ITM2C: variants seen among roughly 807,000 people sequenced by gnomAD.
ITM2C encodes integral membrane protein 2C.
In ITM2C, 20 loss-of-function variants were observed where a neutral mutation model predicts 30.0. The observed-to-expected ratio is 0.67, with a 90% confidence interval of 0.47 to 0.97. ITM2C has a LOEUF of 0.97. ITM2C is among the 50% of genes least tolerant of loss of function. The pLI, the probability that ITM2C is intolerant of heterozygous loss-of-function variation, is 0.00. For synonymous variants in ITM2C, 167 were observed against 156.4 expected (o/e 1.07, Z -0.51); for missense variants, 366 against 371.9 (o/e 0.98, Z 0.13).
Position 230,865,219 on chromosome 2 carries a change from G to A in ITM2C, c.120+74G>A. ...GACCCAGGCGCGCCCCGTCGGCCCT[G>A]GGGACTGCCCGAGGCGCGTCAGGGC... On this transcript the variant is annotated intron_variant, in intron 1 of 5. Transcript: ENST00000326427. The surrounding 1 kb of genome is among the most constrained non-coding windows in gnomAD (Gnocchi z 6.8). 6 of 1,294,552 alleles carry A rather than the reference G, an allele frequency of 4.6e-6. No individual in the cohort carries two copies. The highest frequency in any genetic ancestry group is 5.9e-6 in the Non-Finnish European group (6 of 1,015,306). The allele number at this position is 1,294,552 out of a possible 1,614,324, so 80.2% of individuals were successfully genotyped here. A position where few individuals can be genotyped will look rare whatever the true frequency, so the allele number is the denominator to read the frequency against.
chr2:230,871,441 C>T (rs3098334), intron 1 of ITM2C, among the ~76,000 whole-genome samples: 66,625 of 152,154 alleles, frequency 0.44, 16,372 homozygotes, highest in East Asian at 0.84. Flanking sequence ...CATTGGAAAA[C>T]CAAAGCCATT....
In ITM2C at chr2:230,865,004, G is replaced by T; in HGVS notation, c.-22G>T. On this transcript the variant is annotated 5_prime_UTR_variant, in exon 1 of 6. Transcript: ENST00000326427. This position sits in a 1 kb window ranked among gnomAD's most constrained non-coding sequence, Gnocchi z 6.8. ...GCTGCACCGGCAGAGGCTGCGGGGC[G>T]GACGCGCGGGCCGGCGCAGCCATGG... 3 of 1,458,328 alleles carry T rather than the reference G, an allele frequency of 2.1e-6. No homozygotes were observed. In the South Asian group the frequency reaches 4.1e-5, roughly 20 times the overall value. The allele number at this position is 1,458,328 out of a possible 1,614,324, so 90.3% of individuals were successfully genotyped here.
rs1690014910 is a variant in ITM2C at position 230,878,847 on chromosome 2, G to A, written c.*748G>A. The A allele has an allele frequency of 6.5e-6, 1 of 153,150 alleles. No homozygotes were observed. The highest frequency in any genetic ancestry group is 2.4e-5 in the African/African-American group (1 of 41,470). 9.5% of individuals were successfully genotyped at this position (153,150 alleles called of 1,614,324 possible). On this transcript the variant is annotated 3_prime_UTR_variant, in exon 6 of 6. Coordinates refer to ENST00000326427, the MANE Select transcript of ITM2C (RefSeq NM_030926.6). This position sits in a 1 kb window ranked among gnomAD's most constrained non-coding sequence, Gnocchi z 4.5. ...CAGTGGGATGGGCGGCTGAGGAACG[G>A]GGCAGGCAAGGTCACTGCTCAGTCA...
intron 1 of ITM2C, among the ~76,000 whole-genome samples, chr2:230,869,168 C>A (rs1465332158): frequency 1.3e-5 from 2 of 152,222 alleles, no homozygotes; most frequent in Non-Finnish European, 2.9e-5. Context: ...GAGGGCTCTT[C>A]CAGCAGTGAG....
upstream of ITM2C, chr2:230,864,724 G>GTGAGT (rs1696977293): frequency 5.8e-6 from 1 of 172,356 alleles, no homozygotes; most frequent in Non-Finnish European, 1.2e-5. The surrounding 1 kb of genome is among the most constrained non-coding windows in gnomAD (Gnocchi z 4.3). Context: ...GAGTGAGTGA[G>GTGAGT]TGAGCGAGCG....
At chr2:230,876,369 GA>G (rs1181074217) in intron 3 of ITM2C, among the ~76,000 whole-genome samples, 1 of 152,224 alleles carries the variant, frequency 6.6e-6, no homozygotes, top group Non-Finnish European at 1.5e-5. Context: ...CAGGCTAAGA[GA>G]AGACCAGGAA....
In ITM2C at chr2:230,874,824, G is replaced by A. The variant is rs75832463; in HGVS notation, c.262-796G>A. Among the ~76,000 whole-genome samples the A allele has an allele frequency of 9.8e-3, 1,498 of 152,154 alleles. 27 individuals carry two copies. The highest frequency in any genetic ancestry group is 0.034 in the African/African-American group (1,419 of 41,508). ...GAAGTAAGAGTGGGCAGACTGGCCC[G>A]CCCGGCCATTCAGTTGATGGGATCA... On this transcript the variant is annotated intron_variant, in intron 2 of 5. Coordinates refer to ENST00000326427, the MANE Select transcript of ITM2C (RefSeq NM_030926.6).
intron 1 of ITM2C, among the ~76,000 whole-genome samples, chr2:230,867,451 C>T (rs571323448): frequency 3.3e-4 from 51 of 152,246 alleles, no homozygotes; most frequent in African/African-American, 1.2e-3. Flanking sequence ...GGCAGGAGGC[C>T]CATTTCTCAG....
intron 3 of ITM2C, among the ~76,000 whole-genome samples, 160 bp from the exon 4 acceptor site, chr2:230,876,697 G>A (rs1022424828): frequency 2.0e-5 from 3 of 152,060 alleles, no homozygotes; most frequent in Non-Finnish European, 4.4e-5. Flanking sequence ...TAGTCAGGAT[G>A]GTCTCGATCT....
chr2:230,874,769 A>T (rs1697249300), intron 2 of ITM2C, among the ~76,000 whole-genome samples: 1 of 152,202 alleles, frequency 6.6e-6, no homozygotes, highest in Non-Finnish European at 1.5e-5. Flanking sequence ...CCAAGCATGT[A>T]TCTACAGGCC....
At chr2:230,866,115 C>CAGGG (rs921986822) in intron 1 of ITM2C, among the ~76,000 whole-genome samples, 2 of 152,184 alleles carry the variant, frequency 1.3e-5, no homozygotes, top group African/African-American at 2.4e-5. Flanking sequence ...CGGGCAGGGA[C>CAGGG]AGGGAGGGAG....
At chr2:230,869,797 T>G (rs1697120107) in intron 1 of ITM2C, among the ~76,000 whole-genome samples, 2 of 152,170 alleles carry the variant, frequency 1.3e-5, no homozygotes, top group African/African-American at 4.8e-5. Flanking sequence ...ATTTAATGAG[T>G]GCCCCTGTGG....
chr2:230,877,346 G>T lies in ITM2C; in HGVS notation c.562-54G>T. 6.3e-7 allele frequency: 1 copy of T among 1,593,578 alleles called. No individual in the cohort carries two copies. The highest frequency in any genetic ancestry group is 8.6e-7 in the Non-Finnish European group (1 of 1,166,014). ...GGTGGGCTGGCATTTCGGGCGAGGG[G>T]TTGGACGAAAGCCTGAGGGGCCGAC... is the stretch of plus-strand genomic sequence containing the variant. On this transcript the variant is annotated intron_variant, in intron 4 of 5. Coordinates refer to ENST00000326427, the MANE Select transcript of ITM2C (RefSeq NM_030926.6). The surrounding 1 kb of genome is among the most constrained non-coding windows in gnomAD (Gnocchi z 4.8).
At chr2:230,869,070 A>G (rs1456261239) in intron 1 of ITM2C, among the ~76,000 whole-genome samples, 6 of 152,164 alleles carry the variant, frequency 3.9e-5, no homozygotes, top group Non-Finnish European at 7.3e-5. Context: ...TAGTGTGGAG[A>G]AAAAATGTTT....
chr2:230,871,943 C>T (rs1438930448), intron 1 of ITM2C, among the ~76,000 whole-genome samples: 1 of 152,246 alleles, frequency 6.6e-6, no homozygotes, highest in African/African-American at 2.4e-5. Flanking sequence ...AGGGCAGGAC[C>T]CCTGTGCTGT....
intron 2 of ITM2C, among the ~76,000 whole-genome samples, chr2:230,874,943 G>A (rs1448408408): frequency 6.6e-6 from 1 of 152,224 alleles, no homozygotes; most frequent in Non-Finnish European, 1.5e-5. Flanking sequence ...AGGGGTCAGG[G>A]ATATCCAGGA....
chr2:230,866,225 G>C (rs902477443), intron 1 of ITM2C, among the ~76,000 whole-genome samples: 6 of 152,084 alleles, frequency 3.9e-5, no homozygotes, highest in Non-Finnish European at 5.9e-5. Flanking sequence ...TGTCCTCCCC[G>C]CCTCCCCACC....
At chr2:230,867,803 C>T (rs951524359) in intron 1 of ITM2C, among the ~76,000 whole-genome samples, 1 of 151,950 alleles carries the variant, frequency 6.6e-6, no homozygotes, top group Non-Finnish European at 1.5e-5. Flanking sequence ...GGAATAAAGG[C>T]ACCTGCCACC....
intron 1 of ITM2C, among the ~76,000 whole-genome samples, chr2:230,870,271 C>T (rs757887979): frequency 1.3e-5 from 2 of 152,194 alleles, no homozygotes; most frequent in Non-Finnish European, 1.5e-5. Context: ...AGCGCTGGGG[C>T]GGGATTTAGG....
Sources: allele counts gnomAD v4.1 joint callset (sites outside exome capture counted in the v4.1 genomes callset), GRCh38; gene constraint gnomAD v4.1.1; non-coding constraint Gnocchi (gnomAD v3.1); transcripts MANE v1.5; gene names NCBI Gene and HGNC (gene_info 2026-07-23, HGNC 2026-07-21).